Variants in MSTO1 observed in about 807,000 individuals in gnomAD.
The protein encoded by MSTO1 is protein misato homolog 1.
MSTO1 carries 24 observed loss-of-function variants against 55.7 expected under a neutral mutation model. The ratio of observed to expected loss-of-function variants is 0.43; its 90% CI spans 0.31 to 0.61. The LOEUF (loss-of-function observed/expected upper bound fraction) is 0.61, where lower values mean the gene tolerates loss of function less well. MSTO1 is among the 20% of genes least tolerant of loss of function. The pLI is 0.09. For missense variants in MSTO1, 363 were observed against 625.7 expected (o/e 0.58, Z 4.48); for synonymous variants, 162 against 252.8 (o/e 0.64, Z 3.41).
chr1:155,590,458 T>C, the MSTO1 span: 1 of 468,986 alleles, frequency 2.1e-6, no homozygotes, highest in Non-Finnish European at 3.7e-6. Context: ...CTTGGTTCAG[T>C]TTTTAAATGA....
At chr1:155,586,340 G>A in the MSTO1 span, among the ~76,000 whole-genome samples, 1 of 151,610 alleles carries the variant, frequency 6.6e-6, no homozygotes, top group South Asian at 2.1e-4. Flanking sequence ...ACCATGCCTG[G>A]CCCTGATTTT....
At chr1:155,586,412 A>G in the MSTO1 span, among the ~76,000 whole-genome samples, 1 of 151,814 alleles carries the variant, frequency 6.6e-6, no homozygotes, top group Non-Finnish European at 1.5e-5. Context: ...AATTAGCATT[A>G]CCCTGATTTG....
chr1:155,566,063 C>T, the MSTO1 span: 1 of 152,108 alleles, frequency 6.6e-6, no homozygotes. Context: ...CTGTAGCTGC[C>T]CATGCTTGTG....
chr1:155,585,448 G>A, the MSTO1 span, among the ~76,000 whole-genome samples: 6 of 151,690 alleles, frequency 4.0e-5, no homozygotes, highest in Non-Finnish European at 7.4e-5. Flanking sequence ...GCTTGAACCC[G>A]GGAGGCGGAG....
rs1234302478 is a variant in MSTO1, at chr1:155,612,853, C to A, written c.976C>A (p.Pro326Thr). Residue 326 changes from proline to threonine, a missense_variant, in exon 10 of 14, where the codon CCC (proline) becomes ACC (threonine). Physicochemically the swap from Pro to Thr is conservative, Grantham distance 38. Around this residue, in one of 3 missense-constraint regions of MSTO1, gnomAD observed 231 missense variants for 286.9 expected, o/e 0.81. Coordinates refer to ENST00000245564, the MANE Select transcript of MSTO1 (RefSeq NM_018116.4). The part of the protein sequence containing the change: ...FPYLHYDATL[P>T]FHCSAILATA... ...TGGTGTCTTCTTACAGGCCACTCTG[C>A]CCTTCCACTGCAGTGCCATCCTGGC... 1 of 1,613,800 alleles carries A rather than the reference C, an allele frequency of 6.2e-7. No individual in the cohort carries two copies. The highest frequency in any genetic ancestry group is 8.5e-7 in the Non-Finnish European group (1 of 1,179,848).
At chr1:155,589,340 G>T in the MSTO1 span, among the ~76,000 whole-genome samples, 1 of 151,290 alleles carries the variant, frequency 6.6e-6, no homozygotes, top group Non-Finnish European at 1.5e-5. Context: ...AGATGAGAAA[G>T]ACCTGAGGCC....
the MSTO1 span, among the ~76,000 whole-genome samples, chr1:155,584,854 C>T: frequency 6.6e-6 from 1 of 151,756 alleles, no homozygotes; most frequent in African/African-American, 2.4e-5. Context: ...GATCCTTTCG[C>T]CTCAGCCTCC....
upstream of MSTO1, among the ~76,000 whole-genome samples, chr1:155,609,243 A>ATTTTTT (rs1185140621): frequency 1.2e-3 from 63 of 54,576 alleles, 1 homozygote; most frequent in South Asian, 0.011. Flanking sequence ...ATATATATAT[A>ATTTTTT]TTTTTTTTTT....
the MSTO1 span, among the ~76,000 whole-genome samples, chr1:155,588,340 A>T: frequency 1.3e-5 from 2 of 152,180 alleles, no homozygotes; most frequent in Non-Finnish European, 2.9e-5. Context: ...ATAGTTTTTC[A>T]GTACCTTCTA....
chr1:155,585,178 G>T, the MSTO1 span, among the ~76,000 whole-genome samples: 1 of 152,100 alleles, frequency 6.6e-6, no homozygotes, highest in African/African-American at 2.4e-5. Context: ...CTAACTATTC[G>T]GTTAAATGGG....
rs1031640960 is a variant in MSTO1, at chr1:155,614,622, A to T, written c.*349A>T. 48 of 877,850 alleles carry T rather than the reference A, an allele frequency of 5.5e-5. No homozygotes were observed. In the Admixed American group the frequency reaches 9.2e-4, roughly 17 times the overall value. The allele number at this position is 877,850 out of a possible 1,614,324, so 54.4% of individuals were successfully genotyped here. ...TGGCCTCCTGCTCTCCAGATCTGTAAACTGGGCTCAAGGACTGTACAAGCA... is the reference window on the plus strand; with the variant it reads ...TGGCCTCCTGCTCTCCAGATCTGTATACTGGGCTCAAGGACTGTACAAGCA... On this transcript the variant is annotated 3_prime_UTR_variant, in exon 14 of 14. Coordinates refer to ENST00000245564, the MANE Select transcript of MSTO1 (RefSeq NM_018116.4).
chr1:155,583,818 G>A, the MSTO1 span, among the ~76,000 whole-genome samples: 12 of 152,134 alleles, frequency 7.9e-5, no homozygotes, highest in Admixed American at 5.9e-4. Context: ...CTGCTTCCTA[G>A]TCCACAGCTC....
chr1:155,587,841 G>A, the MSTO1 span, among the ~76,000 whole-genome samples: 2 of 150,698 alleles, frequency 1.3e-5, no homozygotes, highest in South Asian at 2.1e-4. Context: ...AAGATTGACT[G>A]TAATTTTTAT....
chr1:155,582,269 G>T, the MSTO1 span, among the ~76,000 whole-genome samples: 1 of 152,142 alleles, frequency 6.6e-6, no homozygotes, highest in Admixed American at 6.6e-5. Flanking sequence ...CTTGTGTTCT[G>T]CAGAGAAGTG....
chr1:155,568,650 G>A, the MSTO1 span, among the ~76,000 whole-genome samples: 2 of 151,730 alleles, frequency 1.3e-5, no homozygotes, highest in African/African-American at 2.4e-5. Flanking sequence ...ATGTTGGCCA[G>A]GCTGGTCTCA....
chr1:155,566,224 T>G, the MSTO1 span: 4 of 152,188 alleles, frequency 2.6e-5, no homozygotes, highest in African/African-American at 9.7e-5. Context: ...TTGTGTGAGA[T>G]CACACGTTAA....
chr1:155,611,940 G>A, intron 6 of MSTO1, 43 bp from the exon 7 acceptor site: 1 of 783,212 alleles, frequency 1.3e-6, no homozygotes, highest in Non-Finnish European at 2.0e-6. Context: ...CTGAGGAGTT[G>A]AGGGAAGAGA....
chr1:155,565,624 A>G, the MSTO1 span, among the ~76,000 whole-genome samples: 1 of 152,196 alleles, frequency 6.6e-6, no homozygotes, highest in East Asian at 1.9e-4. Context: ...CAAAGAAAAA[A>G]AAATGCCTTT....
the MSTO1 span, chr1:155,590,470 T>A: frequency 2.1e-6 from 1 of 483,840 alleles, no homozygotes; most frequent in Non-Finnish European, 3.6e-6. Context: ...TTTAAATGAA[T>A]TTTAAATACC....
Sources: allele counts gnomAD v4.1 joint callset (sites outside exome capture counted in the v4.1 genomes callset), GRCh38; gene constraint gnomAD v4.1.1; regional missense constraint gnomAD v4.1.1; transcripts MANE v1.5; gene names NCBI Gene and HGNC (gene_info 2026-07-23, HGNC 2026-07-21).